MUC5AC: variants seen among roughly 807,000 people sequenced by gnomAD.
The protein encoded by MUC5AC is mucin 5AC, oligomeric mucus/gel-forming, also known as mucin-5AC.
In MUC5AC, 158 loss-of-function variants were observed where a neutral mutation model predicts 169.7. That is an observed-to-expected ratio of 0.93 (90% CI 0.82 to 1.06). The LOEUF is 1.06. Among genes scored for constraint, MUC5AC ranks in the 50% least tolerant of loss-of-function variants. MUC5AC has a pLI of 0.00. For synonymous variants in MUC5AC, 1,975 were observed against 1,237.0 expected (o/e 1.60, Z -12.52); for missense variants, 4,359 against 3,089.9 (o/e 1.41, Z -9.74).
chr11:1,167,216 GTCTCCCCAAGATGAGACCCTGCA>G (rs1860359873), intron 11 of MUC5AC, among the ~76,000 whole-genome samples: 1 of 141,244 alleles, frequency 7.1e-6, no homozygotes, highest in Non-Finnish European at 1.5e-5. Context: ...CCAACACACA[GTCTCCCCAAGATGAGACCCTGCA>G]CCCAACACAC....
chr11:1,196,606 G>A lies in MUC5AC; in HGVS notation c.15726-11G>A. 2.6e-6 allele frequency: 2 copies of A among 761,466 alleles called. No homozygotes were observed. Among genetic ancestry groups the A allele is most frequent in the Non-Finnish European group, 4.8e-6 (2 of 416,362 alleles). 47.2% of individuals were successfully genotyped at this position (761,466 alleles called of 1,614,324 possible). ...GAAAAAGGAGACCCACCAACCCTATGCTCTCTACAGGGCTCTGCCGGAGGC... is the reference window on the plus strand; with the variant it reads ...GAAAAAGGAGACCCACCAACCCTATACTCTCTACAGGGCTCTGCCGGAGGC... On this transcript the variant is annotated splice_polypyrimidine_tract_variant and intron_variant, in intron 38 of 48. Transcript: ENST00000621226.
At chr11:1,171,006 A>G (rs1860502715) in intron 15 of MUC5AC, among the ~76,000 whole-genome samples, 1 of 110,354 alleles carries the variant, frequency 9.1e-6, no homozygotes, top group African/African-American at 3.8e-5. Flanking sequence ...TCACCCACTC[A>G]CCCATTCACC....
chr11:1,171,942 TTCACTCACTCACTCAC>T (rs1161859817), intron 15 of MUC5AC, among the ~76,000 whole-genome samples: 14 of 85,752 alleles, frequency 1.6e-4, no homozygotes, highest in African/African-American at 2.9e-4. Flanking sequence ...CATCCACTCA[TTCACTCACTCACTCAC>T]TCACTCACTC....
chr11:1,164,581 G>A (rs752049718), intron 9 of MUC5AC, 49 bp downstream of exon 9: 1 of 1,562,672 alleles, frequency 6.4e-7, no homozygotes. Flanking sequence ...CGACAACTAG[G>A]GGGCTGTGCT....
Position 1,174,603 on chromosome 11 carries a change from C to T in MUC5AC, c.2073C>T (p.Gly691=), listed in dbSNP as rs1860627940. 7.4e-6 allele frequency: 10 copies of T among 1,357,840 alleles called. No individual in the cohort carries two copies. The Middle Eastern group carries it at 9.1e-4, about 123-fold the overall frequency. 84.1% of individuals were successfully genotyped at this position (1,357,840 alleles called of 1,614,324 possible). Residue 691 remains glycine, a synonymous_variant, in exon 17 of 49, where the codon GGC becomes GGT. Coordinates refer to ENST00000621226, the MANE Select transcript of MUC5AC (RefSeq NM_001304359.2). ...ACAAKGVQLG[G]WRDGVCTKPM... is the part of the protein sequence containing the mutation. ...CCGCCAAGGGCGTGCAGCTCGGCGGCTGGAGGGACGGCGTCTGCAGTGAGT... is the reference window on the plus strand; with the variant it reads ...CCGCCAAGGGCGTGCAGCTCGGCGGTTGGAGGGACGGCGTCTGCAGTGAGT...
At position 1,175,098 on chromosome 11, in the gene MUC5AC, T is replaced by C; in HGVS notation, c.2309T>C (p.Ile770Thr). ...CCCTGCTACCACAGAGGCTCCATGA[T>C]CCCCAATGGGGAGTCGGTGCACGAC... Reference protein sequence around the residue: ...NCPCYHRGSMIPNGESVHDSG... With the variant: ...NCPCYHRGSMTPNGESVHDSG... The change falls in exon 18 of 49, where the codon ATC (isoleucine) becomes ACC (threonine). Residue 770 changes from isoleucine to threonine, a missense_variant. Coordinates refer to ENST00000621226, the MANE Select transcript of MUC5AC (RefSeq NM_001304359.2). 2.5e-6 allele frequency: 1 copy of C among 399,388 alleles called. No individual in the cohort carries two copies. Among genetic ancestry groups the C allele is most frequent in the Non-Finnish European group, 4.4e-6 (1 of 226,582 alleles). 24.7% of individuals were successfully genotyped at this position (399,388 alleles called of 1,614,324 possible).
chr11:1,172,473 G>A lies in MUC5AC; in HGVS notation c.1915G>A (p.Gly639Ser), dbSNP rs1860571730. The change falls in exon 16 of 49, where the codon GGC becomes AGC. Residue 639 changes from glycine (G) to serine (S), a missense_variant. Coordinates refer to ENST00000621226, the MANE Select transcript of MUC5AC (RefSeq NM_001304359.2). ...GTGCTCGCAGCTGACCGATGCCGAC[G>A]GCCCCTTCGGCCGGTGCCATGCTGC... ...HWCSQLTDAD[G>S]PFGRCHAAVK... is the part of the protein sequence containing the mutation. 2.5e-6 allele frequency: 1 copy of A among 398,626 alleles called. No individual in the cohort carries two copies. The highest frequency in any genetic ancestry group is 4.4e-6 in the Non-Finnish European group (1 of 226,090). The allele number at this position is 398,626 out of a possible 1,614,324, so 24.7% of individuals were successfully genotyped here.
At position 1,161,498 on chromosome 11, in the gene MUC5AC, G is replaced by A. The variant is rs28485871; in HGVS notation, c.152-29G>A. The A allele has an allele frequency of 9.7e-4, 1,518 of 1,557,804 alleles. 20 individuals are homozygous for A. In the African/African-American group the frequency reaches 0.018, roughly 19 times the overall value. On this transcript the variant is annotated intron_variant, in intron 2 of 48. Coordinates refer to ENST00000621226, the MANE Select transcript of MUC5AC (RefSeq NM_001304359.2). ...GCCCCCGCCCCACGTGGGGCCGTGC[G>A]TGAATCCTACCAGCCCCTGTCTCCG...
intron 16 of MUC5AC, among the ~76,000 whole-genome samples, chr11:1,173,082 T>C (rs1160180961): frequency 1.5e-5 from 2 of 134,858 alleles, no homozygotes; most frequent in Non-Finnish European, 3.1e-5. Context: ...ACCCACTAGC[T>C]CTTTCACTCA....
rs1179958542 is a variant in MUC5AC, at chr11:1,189,361, C to T, written c.11216C>T (p.Ala3739Val). 4 of 571,536 alleles carry T rather than the reference C, an allele frequency of 7.0e-6. No homozygotes were observed. The highest frequency in any genetic ancestry group is 5.6e-5 in the African/African-American group (3 of 53,394). The allele number at this position is 571,536 out of a possible 1,614,324, so 35.4% of individuals were successfully genotyped here. Reference sequence around the variant, plus strand: ...GCTCCTACCACCAGCACAATCTCTGCCCCTACAACCAGCACAATCTCTGCC... The same window carrying T: ...GCTCCTACCACCAGCACAATCTCTGTCCCTACAACCAGCACAATCTCTGCC... ...TSAPTTSTIS[A>V]PTTSTISAPT... The change falls in exon 31 of 49, where the codon GCC becomes GTC. Residue 3739 changes from alanine (A) to valine (V), a missense_variant. Physicochemically the swap from Ala to Val is moderately conservative, Grantham distance 64. Coordinates refer to ENST00000621226, the MANE Select transcript of MUC5AC (RefSeq NM_001304359.2).
At chr11:1,170,504 C>T in intron 15 of MUC5AC, among the ~76,000 whole-genome samples, 1 of 137,684 alleles carries the variant, frequency 7.3e-6, no homozygotes, top group East Asian at 2.4e-4. Context: ...CACCCACTCA[C>T]CGACTCAACC....
intron 30 of MUC5AC, 147 bp downstream of exon 30, chr11:1,181,606 G>A (rs1233974593): frequency 4.3e-5 from 17 of 397,506 alleles, no homozygotes; most frequent in East Asian, 3.9e-4. Flanking sequence ...GCAGGGAGTC[G>A]GGCTCGGGGA....
chr11:1,185,533 C>T lies in MUC5AC; in HGVS notation c.7388C>T (p.Ala2463Val). 1.4e-6 allele frequency: 1 copy of T among 723,098 alleles called. No homozygotes were observed. Among genetic ancestry groups the T allele is most frequent in the South Asian group, 1.4e-5 (1 of 69,418 alleles). The allele number at this position is 723,098 out of a possible 1,614,324, so 44.8% of individuals were successfully genotyped here. A position where few individuals can be genotyped will look rare whatever the true frequency, so the allele number is the denominator to read the frequency against. The change falls in exon 31 of 49, where the codon GCC becomes GTC. Residue 2463 changes from alanine to valine, a missense_variant. Ala to Val is a moderately conservative substitution (Grantham distance 64). Transcript: ENST00000621226. ...SPVPTTSTTS[A>V]PTTRTTSAPK... ...GTTCCCACGACCAGCACAACCTCTG[C>T]CCCTACAACAAGAACAACTTCTGCT...
rs1052710222 is a variant in MUC5AC, at chr11:1,164,160, G to A, written c.844G>A (p.Val282Met). The change falls in exon 8 of 49, where the codon GTG becomes ATG. Residue 282 changes from valine (V) to methionine (M), a missense_variant. Transcript: ENST00000621226. ...GCTGTTCTCTGGCTGCGTGGCCCTGGTGGACGTCGGCAGCTACCTGGAGGC... is the reference window on the plus strand; with the variant it reads ...GCTGTTCTCTGGCTGCGTGGCCCTGATGGACGTCGGCAGCTACCTGGAGGC... ...GQLFSGCVAL[V>M]DVGSYLEACR... 10 of 1,612,488 alleles carry A rather than the reference G, an allele frequency of 6.2e-6. No individual in the cohort carries two copies. The highest frequency in any genetic ancestry group is 1.6e-4 in the Middle Eastern group (1 of 6,062).
At position 1,165,727 on chromosome 11, in the gene MUC5AC, G is replaced by A. The variant is rs768786278; in HGVS notation, c.1353G>A (p.Thr451=). ...CAACGTTTGACGGGAAGCAATACACGGTGCACGGCGACTGCAGCTATGTGC... is the reference window on the plus strand; with the variant it reads ...CAACGTTTGACGGGAAGCAATACACAGTGCACGGCGACTGCAGCTATGTGC... The part of the protein sequence containing the change: ...HFSTFDGKQY[T]VHGDCSYVLT... The change falls in exon 11 of 49, where the codon ACG becomes ACA. Residue 451 remains threonine (T), a synonymous_variant. Transcript: ENST00000621226. 6.7e-5 allele frequency: 108 copies of A among 1,612,224 alleles called. No homozygotes were observed. Among genetic ancestry groups the A allele is most frequent in the Middle Eastern group, 3.3e-4 (2 of 6,082 alleles).
chr11:1,181,063 G>A (rs1486389022), intron 28 of MUC5AC, 76 bp from the exon 29 acceptor site: 9 of 398,332 alleles, frequency 2.3e-5, no homozygotes, highest in South Asian at 1.3e-4. Context: ...CCTGCCCGCC[G>A]TTGGTAGCAT....
In MUC5AC at chr11:1,190,388, T is replaced by C. The variant is rs1243776629; in HGVS notation, c.12243T>C (p.Thr4081=). The change falls in exon 31 of 49, where the codon ACT becomes ACC. Residue 4081 remains threonine (T), a synonymous_variant. Transcript: ENST00000621226. ...GAGCCACCAGCCCAACTCAGAGCAC[T>C]TCCTCTTGGCAGAAATCCAGGACAA... ...SGRATSPTQS[T]SSWQKSRTTT... is the part of the protein sequence containing the mutation. 6.4e-3 allele frequency: 4,008 copies of C among 629,970 alleles called. 107 individuals carry two copies. In the African/African-American group the frequency reaches 0.065, roughly 10 times the overall value. 39.0% of individuals were successfully genotyped at this position (629,970 alleles called of 1,614,324 possible). A position where few individuals can be genotyped will look rare whatever the true frequency, so the allele number is the denominator to read the frequency against.
chr11:1,169,198 T>A, intron 15 of MUC5AC, 172 bp downstream of exon 15: 2 of 972,484 alleles, frequency 2.1e-6, no homozygotes, highest in Non-Finnish European at 2.4e-6. Context: ...CCAGCTTATG[T>A]GGAGCTTCAG....
intron 17 of MUC5AC, 100 bp from the exon 18 acceptor site, chr11:1,174,782 G>A: frequency 2.2e-6 from 1 of 454,822 alleles, no homozygotes; most frequent in Non-Finnish European, 3.9e-6. Flanking sequence ...CGGCCGAGGA[G>A]GGGAGGGGAG....
Sources: allele counts gnomAD v4.1 joint callset (sites outside exome capture counted in the v4.1 genomes callset), GRCh38; gene constraint gnomAD v4.1.1; transcripts MANE v1.5; gene names NCBI Gene and HGNC (gene_info 2026-07-23, HGNC 2026-07-21).